Variants in CDH12 observed in about 807,000 individuals in gnomAD.
CDH12 encodes the protein cadherin 12, also known as cadherin-12.
A neutral mutation model predicts 74.1 loss-of-function variants in CDH12; 41 were observed. The ratio of observed to expected loss-of-function variants is 0.55; its 90% CI spans 0.43 to 0.72. The LOEUF (loss-of-function observed/expected upper bound fraction) is 0.72, where lower values mean the gene tolerates loss of function less well. CDH12 is among the 30% of genes least tolerant of loss of function. The probability of loss-of-function intolerance (pLI) is 0.00; values close to 1 mark genes in which losing one functional copy is unlikely to be tolerated. For missense variants in CDH12, 945 were observed against 977.2 expected (o/e 0.97, Z 0.44); for synonymous variants, 399 against 355.0 (o/e 1.12, Z -1.39).
At chr5:22,357,338 T>C (rs1011726555) in intron 3 of CDH12, among the ~76,000 whole-genome samples, 5 of 152,160 alleles carry the variant, frequency 3.3e-5, no homozygotes, top group African/African-American at 9.6e-5. Context: ...TGATGACTAT[T>C]TTCAAATTGA....
At chr5:22,571,108 A>G (rs963680395) in intron 1 of CDH12, among the ~76,000 whole-genome samples, 2 of 152,126 alleles carry the variant, frequency 1.3e-5, no homozygotes, top group Non-Finnish European at 1.5e-5. Context: ...ATGCAGGGGT[A>G]TGTTTTGGCT....
intron 4 of CDH12, among the ~76,000 whole-genome samples, chr5:22,181,120 C>T (rs570168883): frequency 4.6e-5 from 7 of 152,162 alleles, no homozygotes; most frequent in East Asian, 1.9e-4. Flanking sequence ...CGTTGTATAC[C>T]GTCTGAATCT....
At chr5:22,026,432 A>G (rs1738360893) in intron 5 of CDH12, among the ~76,000 whole-genome samples, 1 of 152,178 alleles carries the variant, frequency 6.6e-6, no homozygotes, top group African/African-American at 2.4e-5. Flanking sequence ...TTATGCCTCT[A>G]TTCCCATAAA....
intron 6 of CDH12, among the ~76,000 whole-genome samples, chr5:21,958,138 CT>C (rs1463333249): frequency 6.6e-6 from 1 of 152,138 alleles, no homozygotes; most frequent in African/African-American, 2.4e-5. Flanking sequence ...CTTCCTGCCG[CT>C]TTGTGAAAAA....
chr5:22,808,128 A>G (rs1345834928), intron 1 of CDH12, among the ~76,000 whole-genome samples: 1 of 152,226 alleles, frequency 6.6e-6, no homozygotes, highest in Non-Finnish European at 1.5e-5. Flanking sequence ...ACTGATTTAC[A>G]TAAAAGACTA....
intron 3 of CDH12, among the ~76,000 whole-genome samples, chr5:22,295,373 T>C (rs1737574933): frequency 6.6e-6 from 1 of 152,188 alleles, no homozygotes; most frequent in African/African-American, 2.4e-5. Context: ...ATTTAAGTGT[T>C]TGCCATTGCA....
chr5:22,511,733 T>C (rs914058498), intron 1 of CDH12, among the ~76,000 whole-genome samples: 2 of 152,326 alleles, frequency 1.3e-5, no homozygotes, highest in Non-Finnish European at 1.5e-5. Context: ...TCTGCTCCTA[T>C]ATGCATGTCT....
At chr5:22,391,093 A>T (rs2968387) in intron 3 of CDH12, among the ~76,000 whole-genome samples, 127,322 of 152,036 alleles carry the variant, frequency 0.84, 53,372 homozygotes, top group African/African-American at 0.85. Context: ...GCAGAGGATG[A>T]TGCTCTAAGG....
At chr5:21,964,829 A>C (rs1353889709) in intron 6 of CDH12, among the ~76,000 whole-genome samples, 2 of 151,978 alleles carry the variant, frequency 1.3e-5, no homozygotes, top group East Asian at 3.8e-4. Context: ...TCATGTTTGT[A>C]TTTTCAATGT....
chr5:21,773,090 CTGA>C (rs1403835932), intron 11 of CDH12, among the ~76,000 whole-genome samples: 2 of 151,996 alleles, frequency 1.3e-5, no homozygotes, highest in African/African-American at 4.8e-5. Context: ...CTAAATTACA[CTGA>C]TGATTATGGT....
intron 8 of CDH12, among the ~76,000 whole-genome samples, chr5:21,823,827 A>C (rs1748507127): frequency 6.6e-6 from 1 of 152,160 alleles, no homozygotes; most frequent in African/African-American, 2.4e-5. Flanking sequence ...ATCCTACATC[A>C]GTGTGACTCA....
chr5:22,700,603 T>A (rs1221630188), intron 1 of CDH12, among the ~76,000 whole-genome samples: 1 of 152,216 alleles, frequency 6.6e-6, no homozygotes, highest in Non-Finnish European at 1.5e-5. Context: ...TGTTTTCTAT[T>A]CCTTTTGAGT....
intron 4 of CDH12, among the ~76,000 whole-genome samples, chr5:22,101,874 G>C (rs1744156433): frequency 6.6e-6 from 1 of 152,096 alleles, no homozygotes; most frequent in Non-Finnish European, 1.5e-5. Context: ...TAGGCTTTGT[G>C]GAGCTTAAGG....
At chr5:22,708,790 T>G (rs1381239720) in intron 1 of CDH12, among the ~76,000 whole-genome samples, 1 of 152,070 alleles carries the variant, frequency 6.6e-6, no homozygotes, top group East Asian at 1.9e-4. Flanking sequence ...ATAAGATAAA[T>G]GTAGAACTAG....
intron 3 of CDH12, among the ~76,000 whole-genome samples, chr5:22,244,780 GAAAGAAAGAAAGAAAGAA>G (rs1447991780): frequency 8.1e-6 from 1 of 124,128 alleles, no homozygotes; most frequent in Non-Finnish European, 1.8e-5. Flanking sequence ...AAGAAAGAAA[GAAAGAAAGAAAGAAAGAA>G]AGAAAAATTC....
chr5:21,925,907 G>A (rs1394839311), intron 6 of CDH12, among the ~76,000 whole-genome samples: 1 of 150,744 alleles, frequency 6.6e-6, no homozygotes, highest in Non-Finnish European at 1.5e-5. Flanking sequence ...AATTTTCTTG[G>A]ATATGAATTA....
chr5:22,461,428 CAAGTG>C (rs1745514018), intron 2 of CDH12, among the ~76,000 whole-genome samples: 1 of 147,812 alleles, frequency 6.8e-6, no homozygotes, highest in South Asian at 2.1e-4. Flanking sequence ...AACATGTATT[CAAGTG>C]AAGTCAACCA....
chr5:22,486,444 T>C (rs1746599023), intron 2 of CDH12, among the ~76,000 whole-genome samples: 1 of 146,634 alleles, frequency 6.8e-6, no homozygotes, highest in Non-Finnish European at 1.5e-5. Context: ...TGGTAACTAG[T>C]AATTTTTTTT....
At chr5:21,989,569 C>G (rs1263261237) in intron 5 of CDH12, among the ~76,000 whole-genome samples, 1 of 152,040 alleles carries the variant, frequency 6.6e-6, no homozygotes, top group East Asian at 1.9e-4. Flanking sequence ...ACTCTGTACC[C>G]CCCATTGCCT....
Sources: gnomAD v4.1 joint callset for allele counts (sites outside exome capture counted in the v4.1 genomes callset) on GRCh38, gnomAD v4.1.1 for gene constraint, MANE v1.5 for transcripts, NCBI Gene and HGNC (gene_info 2026-07-23, HGNC 2026-07-21) for gene names.